ADGRF4: variants seen among roughly 807,000 people sequenced by gnomAD.
ADGRF4 encodes G-protein coupled receptor PGR18.
ADGRF4 carries 63 observed loss-of-function variants against 58.5 expected under a neutral mutation model. The ratio of observed to expected loss-of-function variants is 1.08; its 90% CI spans 0.88 to 1.33. ADGRF4 has a LOEUF of 1.33. ADGRF4 is among the 40% of genes most tolerant of loss of function. The probability of loss-of-function intolerance (pLI) is 0.00; values close to 1 mark genes in which losing one functional copy is unlikely to be tolerated. For missense variants in ADGRF4, 931 were observed against 843.9 expected, an observed-to-expected ratio of 1.10 and a Z score of -1.28; for synonymous variants, 313 against 295.4, an observed-to-expected ratio of 1.06 and a Z score of -0.61.
Position 47,710,629 on chromosome 6 carries a change from C to T in ADGRF4, c.149-106C>T, listed in dbSNP as rs879046370. 8 of 1,183,148 alleles carry T rather than the reference C, an allele frequency of 6.8e-6. No individual in the cohort carries two copies. In the Admixed American group the frequency reaches 1.2e-4, roughly 18 times the overall value. The allele number at this position is 1,183,148 out of a possible 1,614,324, so 73.3% of individuals were successfully genotyped here. On this transcript the variant is annotated intron_variant, in intron 3 of 9. Transcript: ENST00000283303. ...CCCAGTTCAACCCAATTGCCTCCTC[C>T]AGGAAGCAATCCAAAAATCTCCAGA...
rs1772172305 is a variant in ADGRF4 at position 47,721,883 on chromosome 6, T to C, written c.*678T>C. The C allele has an allele frequency of 6.6e-6, 1 of 152,220 alleles. No homozygotes were observed. Among genetic ancestry groups the C allele is most frequent in the African/African-American group, 2.4e-5 (1 of 41,468 alleles). 9.4% of individuals were successfully genotyped at this position (152,220 alleles called of 1,614,324 possible). On this transcript the variant is annotated 3_prime_UTR_variant, in exon 10 of 10. Coordinates refer to ENST00000283303, the MANE Select transcript of ADGRF4 (RefSeq NM_153838.5). Reference sequence around the variant, plus strand: ...GTGAAACAGGAAAAAAAAATTCTTGTAGGTATTACTGTTTGTGTGTTTGAG... The same window carrying C: ...GTGAAACAGGAAAAAAAAATTCTTGCAGGTATTACTGTTTGTGTGTTTGAG...
At chr6:47,717,438 G>T (rs1772049799) in intron 8 of ADGRF4, 87 bp downstream of exon 8, 1 of 844,960 alleles carries the variant, frequency 1.2e-6, no homozygotes, top group Admixed American at 1.7e-5. Context: ...CAGTACTCAG[G>T]ATCTGTGGGC....
At chr6:47,699,903 TAC>T (rs138771559) in intron 1 of ADGRF4, among the ~76,000 whole-genome samples, 39 of 146,474 alleles carry the variant, frequency 2.7e-4, no homozygotes, top group African/African-American at 5.6e-4. Context: ...CACACACACA[TAC>T]ACACACACAC....
chr6:47,721,273 A>T lies in ADGRF4; in HGVS notation c.*68A>T, dbSNP rs1772150017. 1 of 152,228 alleles carries T rather than the reference A, an allele frequency of 6.6e-6. No individual in the cohort carries two copies. The highest frequency in any genetic ancestry group is 1.5e-5 in the Non-Finnish European group (1 of 68,046). The allele number at this position is 152,228 out of a possible 1,614,324, so 9.4% of individuals were successfully genotyped here. On this transcript the variant is annotated 3_prime_UTR_variant, in exon 10 of 10. Coordinates refer to ENST00000283303, the MANE Select transcript of ADGRF4 (RefSeq NM_153838.5). ...GAGATCCAGGAGAAAGAGGCCATGGAAAGCAGGCTGGAGTGAGGAGGAATG... is the reference window on the plus strand; with the variant it reads ...GAGATCCAGGAGAAAGAGGCCATGGTAAGCAGGCTGGAGTGAGGAGGAATG...
intron 6 of ADGRF4, chr6:47,715,394 C>A: frequency 2.1e-6 from 1 of 474,690 alleles, no homozygotes; most frequent in Non-Finnish European, 3.7e-6. Context: ...CTCACTGATG[C>A]ACCTGTATCC....
At chr6:47,701,340 G>T (rs527969357) in intron 1 of ADGRF4, among the ~76,000 whole-genome samples, 1 of 152,158 alleles carries the variant, frequency 6.6e-6, no homozygotes, top group Non-Finnish European at 1.5e-5. Context: ...AAAGAGGCGG[G>T]TTATGGAAGT....
At chr6:47,711,246 G>T (rs1401328722) in intron 4 of ADGRF4, among the ~76,000 whole-genome samples, 1 of 152,076 alleles carries the variant, frequency 6.6e-6, no homozygotes, top group Admixed American at 6.6e-5. Flanking sequence ...ATGTATCTAG[G>T]ATCAAATTTA....
intron 1 of ADGRF4, among the ~76,000 whole-genome samples, chr6:47,704,091 C>T (rs1345417588): frequency 6.6e-6 from 1 of 151,698 alleles, no homozygotes; most frequent in Non-Finnish European, 1.5e-5. Context: ...CTCTTGTCAC[C>T]CAGGCTACAG....
chr6:47,706,088 T>A (rs1038468912), intron 1 of ADGRF4, among the ~76,000 whole-genome samples: 3 of 152,248 alleles, frequency 2.0e-5, no homozygotes, highest in Admixed American at 6.5e-5. Context: ...TATAGTATAG[T>A]TCTTGCTGAT....
intron 5 of ADGRF4, 43 bp downstream of exon 5, chr6:47,712,651 T>C (rs770498468): frequency 1.4e-6 from 2 of 1,473,300 alleles, no homozygotes; most frequent in African/African-American, 1.4e-5. Context: ...TTTCTTAAAA[T>C]TTTCATTTGA....
chr6:47,712,260 T>A, intron 4 of ADGRF4, 97 bp from the exon 5 acceptor site: 4 of 1,228,538 alleles, frequency 3.3e-6, no homozygotes, highest in Non-Finnish European at 4.6e-6. Context: ...TGCTTCTCCA[T>A]CTACCTTACC....
intron 8 of ADGRF4, 47 bp from the exon 9 acceptor site, chr6:47,718,342 T>A: frequency 1.0e-6 from 1 of 978,914 alleles, no homozygotes; most frequent in Non-Finnish European, 1.7e-6. Context: ...ATACATTTTG[T>A]CAATATAATT....
chr6:47,699,927 C>CACACA (rs1192975005), intron 1 of ADGRF4, among the ~76,000 whole-genome samples: 14 of 123,528 alleles, frequency 1.1e-4, no homozygotes, highest in African/African-American at 4.2e-4. Flanking sequence ...CACACACAGA[C>CACACA]GACACACCCC....
chr6:47,713,574 T>C (rs759191838), intron 5 of ADGRF4, among the ~76,000 whole-genome samples: 3 of 152,198 alleles, frequency 2.0e-5, no homozygotes, highest in Non-Finnish European at 2.9e-5. Flanking sequence ...CTGCGTGCAA[T>C]AATAAAGCAG....
At chr6:47,719,347 G>C (rs1240966649) in intron 9 of ADGRF4, among the ~76,000 whole-genome samples, 1 of 152,142 alleles carries the variant, frequency 6.6e-6, no homozygotes, top group African/African-American at 2.4e-5. Flanking sequence ...TATACATGGA[G>C]TGGCATGTGT....
chr6:47,718,944 G>A (rs534414380), intron 9 of ADGRF4, among the ~76,000 whole-genome samples: 2 of 152,274 alleles, frequency 1.3e-5, no homozygotes, highest in Non-Finnish European at 2.9e-5. Context: ...AGGCAGCCAG[G>A]AAGCAGGAGA....
chr6:47,705,744 T>C (rs1369116195), intron 1 of ADGRF4, among the ~76,000 whole-genome samples: 1 of 152,162 alleles, frequency 6.6e-6, no homozygotes, highest in Non-Finnish European at 1.5e-5. Flanking sequence ...TGGTCACTGA[T>C]TGCCTTATGA....
At chr6:47,700,617 C>A (rs1289987092) in intron 1 of ADGRF4, among the ~76,000 whole-genome samples, 2 of 152,170 alleles carry the variant, frequency 1.3e-5, no homozygotes, top group Non-Finnish European at 2.9e-5. Flanking sequence ...ACATCCCTAA[C>A]CTGGCATGGC....
At chr6:47,704,205 C>T (rs573732993) in intron 1 of ADGRF4, among the ~76,000 whole-genome samples, 100 of 152,010 alleles carry the variant, frequency 6.6e-4, no homozygotes, top group African/African-American at 2.3e-3. Context: ...CACCATGCCT[C>T]GCTAATTTTT....
Sources: allele counts gnomAD v4.1 joint callset (sites outside exome capture counted in the v4.1 genomes callset), GRCh38; gene constraint gnomAD v4.1.1; transcripts MANE v1.5; gene names NCBI Gene and HGNC (gene_info 2026-07-23, HGNC 2026-07-21).